CSMD1: variants seen among roughly 807,000 people sequenced by gnomAD.
The protein encoded by CSMD1 is CUB and Sushi multiple domains 1.
A neutral mutation model predicts 417.5 loss-of-function variants in CSMD1; 213 were observed. That is an observed-to-expected ratio of 0.51 (90% confidence interval 0.46 to 0.57). The LOEUF (loss-of-function observed/expected upper bound fraction) is 0.57, where lower values mean the gene tolerates loss of function less well. Ranked by LOEUF, CSMD1 falls within the 20% of genes least tolerant of loss-of-function variation. The pLI, the probability that CSMD1 is intolerant of heterozygous loss-of-function variation, is 0.00. For missense variants in CSMD1, 6,923 were observed against 4,529.7 expected, an observed-to-expected ratio of 1.53 and a Z score of -15.17; for synonymous variants, 2,862 against 1,736.8, an observed-to-expected ratio of 1.65 and a Z score of -16.11.
intron 3 of CSMD1, among the ~76,000 whole-genome samples, chr8:4,050,872 T>C (rs2130690906): frequency 6.6e-6 from 1 of 152,304 alleles, no homozygotes; most frequent in South Asian, 2.1e-4. Flanking sequence ...AGGGCACTTC[T>C]AATACTCCCA....
At chr8:4,160,287 G>C (rs892226947) in intron 3 of CSMD1, among the ~76,000 whole-genome samples, 1 of 152,074 alleles carries the variant, frequency 6.6e-6, no homozygotes, top group Non-Finnish European at 1.5e-5. Context: ...GGAAAGTACT[G>C]AATTTAGGAA....
chr8:3,705,254 A>G (rs551159832), intron 7 of CSMD1, among the ~76,000 whole-genome samples: 1 of 152,200 alleles, frequency 6.6e-6, no homozygotes, highest in South Asian at 2.1e-4. Context: ...AGGGACATGA[A>G]CGCACAAGGT....
intron 2 of CSMD1, among the ~76,000 whole-genome samples, chr8:4,453,608 G>A (rs1468642716): frequency 6.6e-6 from 1 of 152,022 alleles, no homozygotes; most frequent in African/African-American, 2.4e-5. Context: ...TGAATCGACA[G>A]CACAGTGCTG....
At chr8:4,935,000 T>A (rs1303395966) in intron 1 of CSMD1, among the ~76,000 whole-genome samples, 2 of 152,230 alleles carry the variant, frequency 1.3e-5, no homozygotes, top group East Asian at 1.9e-4. Flanking sequence ...ATATTCATCA[T>A]CTATCTATAC....
intron 1 of CSMD1, among the ~76,000 whole-genome samples, chr8:4,889,538 T>C (rs1158694427): frequency 6.6e-6 from 1 of 152,002 alleles, no homozygotes; most frequent in African/African-American, 2.4e-5. Flanking sequence ...GTATGAAAGG[T>C]AGACAACAAT....
At chr8:4,300,124 A>C (rs1191730085) in intron 3 of CSMD1, among the ~76,000 whole-genome samples, 4 of 152,346 alleles carry the variant, frequency 2.6e-5, no homozygotes, top group African/African-American at 9.6e-5. Context: ...ACATCAGCTG[A>C]GTGCTTTTGA....
chr8:4,182,039 TGTGTCG>T (rs1259958439), intron 3 of CSMD1, among the ~76,000 whole-genome samples: 3 of 118,614 alleles, frequency 2.5e-5, no homozygotes, highest in African/African-American at 8.5e-5. Context: ...TGTGTGTGTG[TGTGTCG>T]GTGTGTGTGT....
chr8:4,827,422 G>A (rs1409370437), intron 1 of CSMD1, among the ~76,000 whole-genome samples: 1 of 152,142 alleles, frequency 6.6e-6, no homozygotes, highest in Non-Finnish European at 1.5e-5. Flanking sequence ...GAAGAGAAAA[G>A]CTCGACAGAA....
At chr8:3,381,524 A>G (rs1810624588) in intron 18 of CSMD1, among the ~76,000 whole-genome samples, 1 of 152,198 alleles carries the variant, frequency 6.6e-6, no homozygotes, top group Non-Finnish European at 1.5e-5. Context: ...GAATATTTTA[A>G]GGGTTATCAT....
At chr8:3,466,826 C>T (rs1816817375) in intron 12 of CSMD1, among the ~76,000 whole-genome samples, 1 of 152,054 alleles carries the variant, frequency 6.6e-6, no homozygotes, top group Non-Finnish European at 1.5e-5. Flanking sequence ...GTGATTTGCA[C>T]TTTGTCTTCA....
intron 5 of CSMD1, 135 bp from the exon 6 acceptor site, chr8:3,754,177 G>A (rs1200893789): frequency 3.9e-6 from 2 of 515,648 alleles, no homozygotes; most frequent in Non-Finnish European, 3.6e-6. Flanking sequence ...TGTATTAATT[G>A]ACTTTGAACC....
chr8:3,035,398 G>A (rs760900470), intron 50 of CSMD1, among the ~76,000 whole-genome samples: 6 of 152,084 alleles, frequency 3.9e-5, no homozygotes, highest in Non-Finnish European at 8.8e-5. Context: ...AGTTACAGAG[G>A]AGCAAGGAAG....
At chr8:4,380,761 A>G (rs1370595483) in intron 3 of CSMD1, among the ~76,000 whole-genome samples, 2 of 151,672 alleles carry the variant, frequency 1.3e-5, no homozygotes, top group Non-Finnish European at 2.9e-5. Context: ...CTTCTCTGTA[A>G]AAGTGCTGAA....
intron 3 of CSMD1, among the ~76,000 whole-genome samples, chr8:4,401,592 C>G (rs537808701): frequency 6.6e-6 from 1 of 152,236 alleles, no homozygotes; most frequent in Non-Finnish European, 1.5e-5. Context: ...ATCATGTCCT[C>G]CATCCCTGTC....
At chr8:4,025,271 C>G (rs1041216996) in intron 4 of CSMD1, among the ~76,000 whole-genome samples, 19 of 152,172 alleles carry the variant, frequency 1.2e-4, no homozygotes, top group Non-Finnish European at 7.3e-5. Flanking sequence ...TTTCTACCTT[C>G]TTGTATGCCC....
chr8:3,097,127 T>G, intron 46 of CSMD1, 90 bp from the exon 47 acceptor site: 1 of 1,100,020 alleles, frequency 9.1e-7, no homozygotes, highest in Non-Finnish European at 1.3e-6. Flanking sequence ...AACAAGTCAA[T>G]GAAAGGAAAA....
chr8:3,712,402 C>CAG (rs1491033887), intron 6 of CSMD1, among the ~76,000 whole-genome samples: 1 of 84,584 alleles, frequency 1.2e-5, no homozygotes, highest in African/African-American at 3.8e-5. Flanking sequence ...GAGAGAGAGA[C>CAG]AGACAGACAG....
chr8:4,776,349 T>A (rs994882709), intron 1 of CSMD1, among the ~76,000 whole-genome samples: 1 of 152,212 alleles, frequency 6.6e-6, no homozygotes, highest in African/African-American at 2.4e-5. Context: ...CTACTAAGTT[T>A]TGAACAACTG....
At chr8:4,473,628 G>A (rs960231042) in intron 2 of CSMD1, among the ~76,000 whole-genome samples, 2 of 152,076 alleles carry the variant, frequency 1.3e-5, no homozygotes, top group Non-Finnish European at 2.9e-5. Flanking sequence ...CCTAAACTTG[G>A]GGAGTTTAGT....
Sources: allele counts gnomAD v4.1 joint callset (sites outside exome capture counted in the v4.1 genomes callset), GRCh38; gene constraint gnomAD v4.1.1; transcripts MANE v1.5; gene names NCBI Gene and HGNC (gene_info 2026-07-23, HGNC 2026-07-21).